The following BTBD1 variants were observed in gnomAD, a reference collection of about 807,000 sequenced individuals.
The protein encoded by BTBD1 is BTB domain containing 1.
A neutral mutation model predicts 48.0 loss-of-function variants in BTBD1; 34 were observed. That is an observed-to-expected ratio of 0.71 (90% CI 0.54 to 0.94). BTBD1 has a LOEUF of 0.94. Among genes scored for constraint, BTBD1 ranks in the 40% least tolerant of loss-of-function variants. The pLI, the probability that BTBD1 is intolerant of heterozygous loss-of-function variation, is 0.00. For missense variants in BTBD1, 543 were observed against 625.6 expected, an observed-to-expected ratio of 0.87 and a Z score of 1.41; for synonymous variants, 261 against 242.1, an observed-to-expected ratio of 1.08 and a Z score of -0.72.
intron 4 of BTBD1, among the ~76,000 whole-genome samples, chr15:83,031,701 A>T (rs1445003197): frequency 1.3e-5 from 2 of 152,162 alleles, no homozygotes; most frequent in Non-Finnish European, 2.9e-5. Context: ...TGGGTGTAGC[A>T]TACTAACATG....
Position 83,020,744 on chromosome 15 carries a change from C to T in BTBD1, c.1074G>A (p.Arg358=). Residue 358 remains arginine (R), a synonymous_variant, in exon 6 of 8, where the codon AGG becomes AGA. Coordinates refer to ENST00000261721, the MANE Select transcript of BTBD1 (RefSeq NM_025238.4). ...ACAAGCCAAATCCAACTATAGAGAT[C>T]CTTCTATTAACTGTGAATCTGAGAG... is the stretch of plus-strand genomic sequence containing the variant. The part of the protein sequence containing the change: ...SDRIRFTVNR[R]ISIVGFGLYG... The T allele has an allele frequency of 6.2e-7, 1 of 1,601,732 alleles. No individual in the cohort carries two copies. Among genetic ancestry groups the T allele is most frequent in the Non-Finnish European group, 8.5e-7 (1 of 1,169,772 alleles).
intron 3 of BTBD1, chr15:83,044,354 CGCCCGT>C: frequency 1.4e-6 from 2 of 1,479,698 alleles, no homozygotes; most frequent in Non-Finnish European, 1.8e-6. Context: ...CATGCCCGCC[CGCCCGT>C]GCCCACCATG....
At chr15:83,028,677 T>C (rs904086819) in intron 5 of BTBD1, 4 of 152,206 alleles carry the variant, frequency 2.6e-5, no homozygotes, top group East Asian at 3.8e-4. Flanking sequence ...TCCATGGTAA[T>C]TGGTCTATTC....
chr15:83,040,540 T>C (rs566638304), intron 4 of BTBD1, among the ~76,000 whole-genome samples: 4 of 151,872 alleles, frequency 2.6e-5, no homozygotes, highest in East Asian at 1.9e-4. Context: ...CTGTCTCTAC[T>C]AAAAATACAA....
intron 3 of BTBD1, chr15:83,044,437 A>G (rs2032834550): frequency 7.6e-6 from 12 of 1,577,142 alleles, no homozygotes; most frequent in Non-Finnish European, 1.0e-5. Context: ...TGAATACATG[A>G]AGGAGGAGGA....
intron 5 of BTBD1, among the ~76,000 whole-genome samples, chr15:83,023,769 A>G (rs1351668103): frequency 1.3e-5 from 2 of 152,210 alleles, no homozygotes; most frequent in Admixed American, 6.5e-5. Context: ...CCCATAAGGT[A>G]TAACGATCAT....
At chr15:83,043,035 C>G (rs893846113) in intron 3 of BTBD1, among the ~76,000 whole-genome samples, 1 of 152,160 alleles carries the variant, frequency 6.6e-6, no homozygotes, top group African/African-American at 2.4e-5. Context: ...CTCAGCTACT[C>G]AGGAGGCTGA....
At chr15:83,061,405 T>C (rs1270877707) in intron 1 of BTBD1, 1 of 152,206 alleles carries the variant, frequency 6.6e-6, no homozygotes, top group African/African-American at 2.4e-5. Flanking sequence ...CAGAAGTATA[T>C]ATTAGGCACT....
At chr15:83,030,923 C>A (rs1200629680) in intron 4 of BTBD1, among the ~76,000 whole-genome samples, 4 of 150,964 alleles carry the variant, frequency 2.6e-5, no homozygotes, top group East Asian at 1.9e-4. Context: ...AAAAAAAAAA[C>A]AAATAATCCC....
chr15:83,033,392 C>A (rs1206736932), intron 4 of BTBD1, among the ~76,000 whole-genome samples: 3 of 151,912 alleles, frequency 2.0e-5, no homozygotes, highest in Non-Finnish European at 2.9e-5. Context: ...ATGAAGATAA[C>A]TGAAAGGGCA....
At chr15:83,030,065 T>C (rs936712281) in intron 5 of BTBD1, 71 bp downstream of exon 5, 1 of 1,293,316 alleles carries the variant, frequency 7.7e-7, no homozygotes, top group Non-Finnish European at 1.1e-6. Context: ...TTATCTCCCA[T>C]AATATATAAA....
At position 83,067,250 on chromosome 15, in the gene BTBD1, G is replaced by A. The variant is rs1183196070; in HGVS notation, c.-99C>T. 4.9e-6 allele frequency: 6 copies of A among 1,215,852 alleles called. No individual in the cohort carries two copies. Among genetic ancestry groups the A allele is most frequent in the African/African-American group, 1.6e-5 (1 of 62,822 alleles). The allele number at this position is 1,215,852 out of a possible 1,614,324, so 75.3% of individuals were successfully genotyped here. A position where few individuals can be genotyped will look rare whatever the true frequency, so the allele number is the denominator to read the frequency against. ...CGCTGCCTCCCTGCCTTCCGGGAAA[G>A]GCGCTTCCGGGGGCCTCGCGCCTCC... On this transcript the variant is annotated 5_prime_UTR_variant, in exon 1 of 8. Coordinates refer to ENST00000261721, the MANE Select transcript of BTBD1 (RefSeq NM_025238.4).
At chr15:83,064,733 G>C (rs989236451) in intron 1 of BTBD1, among the ~76,000 whole-genome samples, 1 of 152,074 alleles carries the variant, frequency 6.6e-6, no homozygotes, top group African/African-American at 2.4e-5. Context: ...CACCCCAGAA[G>C]ATTATAATGC....
rs991786496 is a variant in BTBD1, at chr15:83,051,637, T to C, written c.559-1459A>G. On this transcript the variant is annotated intron_variant, in intron 2 of 7. Coordinates refer to ENST00000261721, the MANE Select transcript of BTBD1 (RefSeq NM_025238.4). ...TAAATTTTAGCACTAAATAAAAAAT[T>C]TGTATTAATAAATATTAAATCTATC... Among the ~76,000 whole-genome samples the C allele has an allele frequency of 4.0e-5, 6 of 151,668 alleles. 1 individual carries two copies. Among genetic ancestry groups the C allele is most frequent in the Non-Finnish European group, 7.4e-5 (5 of 67,840 alleles).
chr15:83,044,493 T>G (rs1181054599), intron 3 of BTBD1: 2 of 1,578,040 alleles, frequency 1.3e-6, no homozygotes, highest in Non-Finnish European at 1.7e-6. Flanking sequence ...CAAGCCAGAT[T>G]GTATCATCAC....
At chr15:83,036,184 A>G (rs2032627050) in intron 4 of BTBD1, among the ~76,000 whole-genome samples, 1 of 150,482 alleles carries the variant, frequency 6.6e-6, no homozygotes, top group African/African-American at 2.4e-5. Flanking sequence ...AGATGTGACA[A>G]GTAGAAAACA....
chr15:83,030,469 T>C (rs1301525109), intron 4 of BTBD1, 141 bp from the exon 5 acceptor site: 1 of 671,662 alleles, frequency 1.5e-6, no homozygotes, highest in Non-Finnish European at 2.5e-6. Context: ...AATTTTTGCA[T>C]ATATTTTAAG....
chr15:83,029,994 C>A, intron 5 of BTBD1, 142 bp downstream of exon 5: 2 of 805,816 alleles, frequency 2.5e-6, no homozygotes, highest in Non-Finnish European at 4.1e-6. Context: ...GACTTCTTGA[C>A]TCCTATATTA....
chr15:83,046,248 T>C (rs917242527), intron 3 of BTBD1, among the ~76,000 whole-genome samples: 2 of 151,876 alleles, frequency 1.3e-5, no homozygotes, highest in South Asian at 2.1e-4. Context: ...AAAACAAAAA[T>C]AATAATAATA....
Sources: allele counts gnomAD v4.1 joint callset (sites outside exome capture counted in the v4.1 genomes callset), GRCh38; gene constraint gnomAD v4.1.1; transcripts MANE v1.5; gene names NCBI Gene and HGNC (gene_info 2026-07-23, HGNC 2026-07-21).